The following NELL2 variants were observed in gnomAD, a reference collection of about 807,000 sequenced individuals.
NELL2 encodes the protein protein kinase C-binding protein NELL2.
Under a neutral mutation model 109.6 loss-of-function variants are expected in NELL2, and 41 were observed. The ratio of observed to expected loss-of-function variants is 0.37; its 90% CI spans 0.29 to 0.49. The LOEUF is 0.49. NELL2 is among the 20% of genes least tolerant of loss of function. The probability of loss-of-function intolerance (pLI) is 0.98; values close to 1 mark genes in which losing one functional copy is unlikely to be tolerated. For missense variants in NELL2, 900 were observed against 1,008.3 expected, an observed-to-expected ratio of 0.89 and a Z score of 1.45; for synonymous variants, 355 against 344.7, an observed-to-expected ratio of 1.03 and a Z score of -0.33.
intron 16 of NELL2, among the ~76,000 whole-genome samples, chr12:44,526,315 G>A (rs894917176): frequency 6.6e-6 from 1 of 152,138 alleles, no homozygotes; most frequent in Non-Finnish European, 1.5e-5. Context: ...ATAGTGGTTG[G>A]AATGTACCAG....
At chr12:44,741,611 T>C (rs1939968567) in intron 9 of NELL2, among the ~76,000 whole-genome samples, 1 of 152,194 alleles carries the variant, frequency 6.6e-6, no homozygotes, top group Non-Finnish European at 1.5e-5. Context: ...ACCCTAATAC[T>C]GCGCTTTTCC....
intron 9 of NELL2, among the ~76,000 whole-genome samples, chr12:44,752,243 G>A (rs1940685330): frequency 6.6e-6 from 1 of 152,178 alleles, no homozygotes; most frequent in African/African-American, 2.4e-5. Context: ...AAGGAGTGTG[G>A]TTTTATGAAC....
At chr12:44,609,415 C>G (rs1172860623) in intron 14 of NELL2, among the ~76,000 whole-genome samples, 1 of 151,994 alleles carries the variant, frequency 6.6e-6, no homozygotes, top group Non-Finnish European at 1.5e-5. Context: ...AGTGAGAGAT[C>G]TCATCATGCT....
chr12:44,689,022 A>G (rs1421450564), intron 12 of NELL2, among the ~76,000 whole-genome samples: 6 of 152,232 alleles, frequency 3.9e-5, no homozygotes, highest in African/African-American at 1.2e-4. Flanking sequence ...CAGAAATTCA[A>G]TAATATTACA....
chr12:44,903,200 A>G (rs549335742), intron 1 of NELL2, among the ~76,000 whole-genome samples: 7 of 152,264 alleles, frequency 4.6e-5, no homozygotes, highest in African/African-American at 1.4e-4. Context: ...TACAAGAAAA[A>G]AAATACCCCC....
intron 2 of NELL2, among the ~76,000 whole-genome samples, chr12:44,830,784 C>A (rs953846664): frequency 6.6e-6 from 1 of 152,074 alleles, no homozygotes; most frequent in Non-Finnish European, 1.5e-5. Context: ...CAAAGTTGAG[C>A]TTCTGCTTCA....
chr12:44,846,018 T>C (rs1167806791), intron 2 of NELL2, among the ~76,000 whole-genome samples: 2 of 152,180 alleles, frequency 1.3e-5, no homozygotes, highest in Non-Finnish European at 2.9e-5. Flanking sequence ...TCTGGACTTA[T>C]GAAAATGGTA....
chr12:44,780,102 A>T, intron 3 of NELL2, 80 bp from the exon 4 acceptor site: 1 of 1,447,438 alleles, frequency 6.9e-7, no homozygotes, highest in Non-Finnish European at 9.4e-7. Context: ...TACGGGATGG[A>T]ATAGATGTAC....
chr12:44,885,260 T>C (rs1301652050), intron 1 of NELL2, among the ~76,000 whole-genome samples: 2 of 151,614 alleles, frequency 1.3e-5, no homozygotes, highest in Non-Finnish European at 2.9e-5. Context: ...GCCTGGGAGA[T>C]AAAGCAAGAT....
intron 2 of NELL2, among the ~76,000 whole-genome samples, chr12:44,835,160 C>T (rs1944014726): frequency 6.6e-6 from 1 of 152,136 alleles, no homozygotes; most frequent in Non-Finnish European, 1.5e-5. Flanking sequence ...ACCGTACACA[C>T]CCAGGACACA....
At chr12:44,680,130 G>A (rs946370297) in intron 12 of NELL2, among the ~76,000 whole-genome samples, 21 of 152,052 alleles carry the variant, frequency 1.4e-4, no homozygotes, top group African/African-American at 4.8e-4. Context: ...AGCATGGATT[G>A]CAGTCATAAA....
At chr12:44,883,051 G>A (rs772120502) in intron 1 of NELL2, among the ~76,000 whole-genome samples, 5 of 147,048 alleles carry the variant, frequency 3.4e-5, no homozygotes, top group African/African-American at 5.1e-5. Flanking sequence ...AGGGTGTTAT[G>A]TTGGCCAGGC....
chr12:44,784,128 A>G (rs1298512101), intron 3 of NELL2, among the ~76,000 whole-genome samples: 1 of 152,088 alleles, frequency 6.6e-6, no homozygotes, highest in Non-Finnish European at 1.5e-5. Context: ...TAAAGATGAA[A>G]CTCTCAGAAA....
At chr12:44,631,183 T>C (rs887570838) in intron 13 of NELL2, among the ~76,000 whole-genome samples, 1 of 150,394 alleles carries the variant, frequency 6.6e-6, no homozygotes, top group Non-Finnish European at 1.5e-5. Context: ...TTTTACTTCT[T>C]CTCTAACATA....
At chr12:44,615,055 G>C (rs1330723106) in intron 13 of NELL2, among the ~76,000 whole-genome samples, 1 of 152,046 alleles carries the variant, frequency 6.6e-6, no homozygotes, top group East Asian at 1.9e-4. Context: ...TTACAGTTTA[G>C]TTGAAGACAT....
Position 44,776,117 on chromosome 12 carries a change from C to A in NELL2, c.796G>T (p.Asp266Tyr). 6.2e-7 allele frequency: 1 copy of A among 1,613,974 alleles called. No individual in the cohort carries two copies. The highest frequency in any genetic ancestry group is 8.5e-7 in the Non-Finnish European group (1 of 1,179,928). The change falls in exon 8 of 20, where the codon GAT becomes TAT. Residue 266 changes from aspartate to tyrosine, a missense_variant. Transcript: ENST00000429094. ...CAAGTCCTTTCACAATAGCACTGAT[C>A]CAATCTATTCATTCGCTGTTCAGCT... ...SRAEQRMNRL[D>Y]QCYCERTCTM...
intron 2 of NELL2, among the ~76,000 whole-genome samples, chr12:44,862,111 A>C (rs1944860311): frequency 6.6e-6 from 1 of 152,224 alleles, no homozygotes; most frequent in African/African-American, 2.4e-5. Context: ...AGTACATATA[A>C]ATAATTCAAT....
At position 44,850,147 on chromosome 12, in the gene NELL2, G is replaced by A. The variant is rs549690904; in HGVS notation, c.184+25078C>T. On this transcript the variant is annotated intron_variant, in intron 2 of 19. Coordinates refer to ENST00000429094, the MANE Select transcript of NELL2 (RefSeq NM_001145108.2). ...GCATGTTAATTATACCTCAGTGAAA[G>A]TAGATATAAACACAGAGTAGACAGG... Among the ~76,000 whole-genome samples, 28 of 152,264 alleles carry A rather than the reference G, an allele frequency of 1.8e-4. No individual in the cohort carries two copies. In the South Asian group the frequency reaches 5.8e-3, roughly 32 times the overall value.
At chr12:44,791,115 ATATATG>A (rs1317750410) in intron 3 of NELL2, among the ~76,000 whole-genome samples, 19 of 11,722 alleles carry the variant, frequency 1.6e-3, no homozygotes, top group African/African-American at 3.5e-3. Context: ...ATATGTATAT[ATATATG>A]TATATATATA....
Sources: allele counts gnomAD v4.1 joint callset (sites outside exome capture counted in the v4.1 genomes callset), GRCh38; gene constraint gnomAD v4.1.1; transcripts MANE v1.5; gene names NCBI Gene and HGNC (gene_info 2026-07-23, HGNC 2026-07-21).